SEC31A: variants seen among roughly 807,000 people sequenced by gnomAD.
SEC31A encodes the protein SEC31 homolog A, COPII component.
A neutral mutation model predicts 151.0 loss-of-function variants in SEC31A; 70 were observed. The ratio of observed to expected loss-of-function variants is 0.46; its 90% CI spans 0.38 to 0.57. The LOEUF is 0.57. SEC31A is among the 20% of genes least tolerant of loss of function. SEC31A has a pLI of 0.00. For missense variants in SEC31A, 1,330 were observed against 1,471.2 expected (o/e 0.90, Z 1.57); for synonymous variants, 475 against 505.9 (o/e 0.94, Z 0.82).
At chr4:82,842,924 T>C (rs56318349) in intron 21 of SEC31A, 45,030 of 157,852 alleles carry the variant, frequency 0.29, 7,701 homozygotes, top group East Asian at 0.49. Context: ...AACACTATTG[T>C]TATGTATCAA....
In SEC31A at chr4:82,864,877, G is replaced by A. The variant is rs974494004; in HGVS notation, c.1198-279C>T. Among the ~76,000 whole-genome samples, 9 of 151,742 alleles carry A rather than the reference G, an allele frequency of 5.9e-5. No individual in the cohort carries two copies. The East Asian group carries it at 9.7e-4, about 16-fold the overall frequency. On this transcript the variant is annotated intron_variant, in intron 10 of 26. Transcript: ENST00000395310. The stretch of plus-strand genomic sequence containing the variant: ...TACAACCTCTGCCTCCTGGGTTCAC[G>A]TGATTCTCCTGCCTCAGCCTCCTGA...
rs115439557 is a variant in SEC31A at position 82,883,383 on chromosome 4, A to G, written c.-4-1443T>C. ...TTTCCAGAAGTAAAATTGCTAAGTT[A>G]AAAGGTTAATGCAATTTTAATTTTG... On this transcript the variant is annotated intron_variant, in intron 1 of 26. Coordinates refer to ENST00000395310, the MANE Select transcript of SEC31A (RefSeq NM_001077207.4). 2.7e-3 allele frequency among the ~76,000 whole-genome samples: 409 copies of G among 152,354 alleles called. 2 individuals carry two copies. Among genetic ancestry groups the G allele is most frequent in the African/African-American group, 9.1e-3 (377 of 41,574 alleles).
chr4:82,822,377 TTG>T (rs1723554237), intron 25 of SEC31A, among the ~76,000 whole-genome samples: 2 of 152,146 alleles, frequency 1.3e-5, no homozygotes, highest in Admixed American at 1.3e-4. Flanking sequence ...AGCAGAGGCC[TTG>T]AACTTGGGAG....
intron 8 of SEC31A, among the ~76,000 whole-genome samples, chr4:82,869,480 A>G (rs577179517): frequency 2.6e-4 from 40 of 152,168 alleles, no homozygotes; most frequent in African/African-American, 9.1e-4. Flanking sequence ...CTCTTCCTTC[A>G]AAGTCCAAGC....
At chr4:82,854,835 T>C (rs1279637427) in intron 17 of SEC31A, 68 bp downstream of exon 17, 3 of 1,382,038 alleles carry the variant, frequency 2.2e-6, no homozygotes, top group Non-Finnish European at 2.9e-6. Context: ...AAATTTGTCA[T>C]TTAAGTTTAT....
At chr4:82,857,842 G>T in intron 14 of SEC31A, 78 bp from the exon 15 acceptor site, 1 of 873,292 alleles carries the variant, frequency 1.1e-6, no homozygotes, top group Non-Finnish European at 1.9e-6. Flanking sequence ...ATTTACACAT[G>T]ATTCTTCATC....
upstream of SEC31A, chr4:82,895,507 G>T (rs1312464240): frequency 1.3e-5 from 2 of 152,132 alleles, no homozygotes; most frequent in Middle Eastern, 3.2e-3. Context: ...TTCCTGAATT[G>T]AATCTATTAA....
exon 1 of SEC31A, chr4:82,900,443 C>G: frequency 3.8e-6 from 1 of 266,526 alleles, no homozygotes; most frequent in Non-Finnish European, 7.2e-6. Context: ...CATTTTCAGG[C>G]TTGGCCTCAC....
chr4:82,896,171 T>C (rs1055052578), upstream of SEC31A, among the ~76,000 whole-genome samples: 1 of 152,232 alleles, frequency 6.6e-6, no homozygotes, highest in African/African-American at 2.4e-5. Context: ...CAGAAGTCTG[T>C]ATCTGCTTTC....
rs1165390315 is a variant in SEC31A, at chr4:82,898,065, GAA to G, written c.-2+1646_-2+1647del. The G allele has an allele frequency of 5.9e-5, 9 of 152,174 alleles. No individual in the cohort carries two copies. The South Asian group carries it at 8.3e-4, about 14-fold the overall frequency. The allele number at this position is 152,174 out of a possible 1,614,324, so 9.4% of individuals were successfully genotyped here. On this transcript the variant is annotated intron_variant, in intron 3 of 28. Transcript: ENST00000355196. ...CAACATCTCTGAGAGTACAATTCCT[GAA>G]AAGAGATATTTTCTTTTAAAATTTT...
intron 25 of SEC31A, among the ~76,000 whole-genome samples, chr4:82,823,191 A>T (rs1723766566): frequency 1.3e-5 from 2 of 152,156 alleles, no homozygotes; most frequent in Admixed American, 1.3e-4. Context: ...GTAAATTAAC[A>T]AAAAATGTAT....
intron 23 of SEC31A, among the ~76,000 whole-genome samples, chr4:82,828,701 A>G (rs563604352): frequency 6.7e-6 from 1 of 149,122 alleles, no homozygotes; most frequent in African/African-American, 2.5e-5. Context: ...AAAAAAAGAA[A>G]GCAACCCTGA....
At chr4:82,821,287 G>A (rs556043905) in intron 25 of SEC31A, 179 bp from the exon 26 acceptor site, 296 of 552,772 alleles carry the variant, frequency 5.4e-4, no homozygotes, top group African/African-American at 5.2e-3. Flanking sequence ...GGTGGCTCAC[G>A]CCTGTAATCC....
intron 22 of SEC31A, 77 bp downstream of exon 22, chr4:82,842,063 T>TA: frequency 8.4e-7 from 1 of 1,194,744 alleles, no homozygotes; most frequent in Non-Finnish European, 1.2e-6. Context: ...CAGTTAGAAA[T>TA]AATACCCCTC....
intron 13 of SEC31A, 197 bp from the exon 14 acceptor site, chr4:82,861,905 CTTTTTTTTTTTTT>C (rs33968103): frequency 1.1e-4 from 10 of 89,678 alleles, no homozygotes; most frequent in Admixed American, 3.8e-4. Context: ...CTTTCCCATT[CTTTTTTTTTTTTT>C]TTTTTTTTTT....
At chr4:82,848,766 C>A in intron 20 of SEC31A, 38 bp downstream of exon 20, 2 of 1,550,046 alleles carry the variant, frequency 1.3e-6, no homozygotes, top group Non-Finnish European at 1.7e-6. Context: ...AAGAGAAATA[C>A]AAAAGTGTTC....
At chr4:82,837,186 TATATATATATATAA>T (rs1727550507) in intron 22 of SEC31A, among the ~76,000 whole-genome samples, 2 of 53,476 alleles carry the variant, frequency 3.7e-5, no homozygotes, top group Admixed American at 5.8e-4. Flanking sequence ...TATATATATA[TATATATATATATAA>T]TTTCACCACA....
chr4:82,876,784 A>G (rs1214164962), intron 4 of SEC31A, among the ~76,000 whole-genome samples: 1 of 152,190 alleles, frequency 6.6e-6, no homozygotes, highest in African/African-American at 2.4e-5. Flanking sequence ...ATCCACTACT[A>G]TTTACTCTTA....
intron 13 of SEC31A, among the ~76,000 whole-genome samples, chr4:82,862,217 T>C (rs959583616): frequency 2.7e-5 from 4 of 149,886 alleles, no homozygotes; most frequent in African/African-American, 9.8e-5. Context: ...CCGGCCCACT[T>C]TCCCATTCTT....
Sources: allele counts gnomAD v4.1 joint callset (sites outside exome capture counted in the v4.1 genomes callset), GRCh38; gene constraint gnomAD v4.1.1; transcripts MANE v1.5; gene names NCBI Gene and HGNC (gene_info 2026-07-23, HGNC 2026-07-21).